Variants in SCMH1 observed in about 807,000 individuals in gnomAD.
SCMH1 encodes Scm polycomb group protein homolog 1.
In SCMH1, 37 loss-of-function variants were observed where a neutral mutation model predicts 70.8. The ratio of observed to expected loss-of-function variants is 0.52; its 90% CI spans 0.40 to 0.69. The LOEUF (loss-of-function observed/expected upper bound fraction) is 0.69. SCMH1 is among the 30% of genes least tolerant of loss of function. The pLI is 0.00. For missense variants in SCMH1, 607 were observed against 827.3 expected, an observed-to-expected ratio of 0.73 and a Z score of 3.27; for synonymous variants, 292 against 307.4, an observed-to-expected ratio of 0.95 and a Z score of 0.52.
At chr1:41,148,400 GAACCTCCTTTA>G (rs941828065) in intron 5 of SCMH1, among the ~76,000 whole-genome samples, 4 of 152,070 alleles carry the variant, frequency 2.6e-5, no homozygotes, top group Non-Finnish European at 4.4e-5. Flanking sequence ...TCTGCTTGAT[GAACCTCCTTTA>G]ACATTTCTTG....
rs552065349 is a variant in SCMH1, at chr1:41,036,768, A to G, written c.1678+594T>C. 5.9e-5 allele frequency among the ~76,000 whole-genome samples: 9 copies of G among 152,254 alleles called. No individual in the cohort carries two copies. The East Asian group carries it at 1.5e-3, about 26-fold the overall frequency. On this transcript the variant is annotated intron_variant, in intron 13 of 14. Transcript: ENST00000337495. ...CAAATTGCATGCAGTTCCTGGTATA[A>G]TCAGTGCTATTTCTTATTCTTTTGC...
At chr1:41,078,307 T>C (rs1658989048) in intron 8 of SCMH1, among the ~76,000 whole-genome samples, 1 of 152,060 alleles carries the variant, frequency 6.6e-6, no homozygotes. Flanking sequence ...AGAAGACAGA[T>C]AGAATGAAGA....
At chr1:41,073,137 T>C (rs1159657424) in intron 9 of SCMH1, among the ~76,000 whole-genome samples, 1 of 152,208 alleles carries the variant, frequency 6.6e-6, no homozygotes, top group Non-Finnish European at 1.5e-5. Context: ...AAAGGCCATT[T>C]AACCCAACCA....
At chr1:41,089,316 A>G (rs1157700301) in intron 8 of SCMH1, among the ~76,000 whole-genome samples, 1 of 152,206 alleles carries the variant, frequency 6.6e-6, no homozygotes, top group African/African-American at 2.4e-5. Flanking sequence ...CAGTCCATAG[A>G]CTTGTTCTTC....
At chr1:41,130,795 A>G (rs1289217027) in intron 6 of SCMH1, among the ~76,000 whole-genome samples, 1 of 152,128 alleles carries the variant, frequency 6.6e-6, no homozygotes, top group Admixed American at 6.5e-5. Context: ...GCCACTCCCC[A>G]TCCCCACTTC....
At position 41,200,515 on chromosome 1, in the gene SCMH1, A is replaced by T. The variant is rs541244822; in HGVS notation, c.-117-14265T>A. On this transcript the variant is annotated intron_variant, in intron 1 of 14. Transcript: ENST00000337495. ...AATAAATGTAATAATAATAATAATAATATAATAATAATAATAATAATAATG... is the reference window on the plus strand; with the variant it reads ...AATAAATGTAATAATAATAATAATATTATAATAATAATAATAATAATAATG... Among the ~76,000 whole-genome samples, 380 of 144,776 alleles carry T rather than the reference A, an allele frequency of 2.6e-3. 2 individuals are homozygous for T. Among genetic ancestry groups the T allele is most frequent in the African/African-American group, 8.4e-3 (334 of 39,762 alleles). The allele number at this position is 144,776 out of a possible 152,430, so 95.0% of individuals were successfully genotyped here.
chr1:41,154,117 C>G (rs1645309650), intron 4 of SCMH1, among the ~76,000 whole-genome samples: 1 of 152,100 alleles, frequency 6.6e-6, no homozygotes, highest in Non-Finnish European at 1.5e-5. Flanking sequence ...ATTTGACCTC[C>G]CAATAGTAGT....
intron 12 of SCMH1, among the ~76,000 whole-genome samples, chr1:41,040,765 G>A (rs1646032055): frequency 6.6e-6 from 1 of 152,206 alleles, no homozygotes; most frequent in African/African-American, 2.4e-5. Flanking sequence ...TCGGGAGGCT[G>A]AGGTAGGAGA....
rs558487587 is a variant in SCMH1, at chr1:41,062,341, C to T, written c.1105+8254G>A. ...GGAAATGGCCAAGCATGGTGGCTCA[C>T]GCCTGTAATCCTAGCACTTTGGGAG... On this transcript the variant is annotated intron_variant, in intron 10 of 14. Coordinates refer to ENST00000337495, the Ensembl canonical transcript of SCMH1. 1.2e-4 allele frequency among the ~76,000 whole-genome samples: 18 copies of T among 152,038 alleles called. No individual in the cohort carries two copies. The South Asian group carries it at 1.9e-3, about 16-fold the overall frequency.
chr1:41,043,001 G>A (rs542809231), intron 12 of SCMH1: 21 of 152,272 alleles, frequency 1.4e-4, no homozygotes, highest in African/African-American at 4.8e-4. Context: ...ATTGAATCCC[G>A]GATTAGGAAA....
At chr1:41,098,980 C>A in intron 8 of SCMH1, 2 of 260,770 alleles carry the variant, frequency 7.7e-6, no homozygotes, top group South Asian at 5.9e-5. Flanking sequence ...ATGTCAAAAT[C>A]AACAAGTACC....
intron 7 of SCMH1, among the ~76,000 whole-genome samples, chr1:41,115,098 G>A (rs1451663968): frequency 6.6e-6 from 1 of 151,864 alleles, no homozygotes; most frequent in East Asian, 1.9e-4. Context: ...TATCATAAGT[G>A]GCATTTAAAA....
At chr1:41,030,714 ATTTAT>A (rs1249531272) in intron 13 of SCMH1, among the ~76,000 whole-genome samples, 1 of 152,088 alleles carries the variant, frequency 6.6e-6, no homozygotes, top group Admixed American at 6.6e-5. Context: ...TCATGGACTC[ATTTAT>A]TTTATGTTTC....
intron 10 of SCMH1, among the ~76,000 whole-genome samples, chr1:41,057,443 G>T (rs1467398043): frequency 6.6e-6 from 1 of 152,040 alleles, no homozygotes; most frequent in East Asian, 1.9e-4. Context: ...TAGAGACAAG[G>T]TTTTGCCATG....
intron 8 of SCMH1, among the ~76,000 whole-genome samples, chr1:41,090,042 T>TAA (rs1465549851): frequency 6.6e-6 from 1 of 152,036 alleles, no homozygotes; most frequent in Non-Finnish European, 1.5e-5. Flanking sequence ...TCCACCTGCC[T>TAA]CACTCTCCCA....
At chr1:41,058,056 A>G (rs1179778629) in intron 10 of SCMH1, among the ~76,000 whole-genome samples, 1 of 148,166 alleles carries the variant, frequency 6.7e-6, no homozygotes, top group Non-Finnish European at 1.5e-5. Flanking sequence ...TGGGAAGCTG[A>G]GGCTGCAGTG....
chr1:41,190,271 A>T (rs1308484466), intron 1 of SCMH1, among the ~76,000 whole-genome samples: 1 of 152,214 alleles, frequency 6.6e-6, no homozygotes, highest in Non-Finnish European at 1.5e-5. Context: ...GAAACATGAG[A>T]GCTGTTTGCA....
chr1:41,037,215 G>T, intron 13 of SCMH1, 147 bp downstream of exon 13: 3 of 760,484 alleles, frequency 3.9e-6, no homozygotes, highest in Non-Finnish European at 4.1e-6. Context: ...CAGGTGCAAG[G>T]CCAGGCACAA....
In SCMH1 at chr1:41,075,465, ACT is replaced by A; in HGVS notation, c.746-16_746-15del. ...TTGGAATCACAACTGCAAGAAAAAG[ACT>A]CATTCTATCACCCTCCCTCCCCCCT... On this transcript the variant is annotated splice_polypyrimidine_tract_variant and intron_variant, in intron 8 of 14. Coordinates refer to ENST00000337495, the Ensembl canonical transcript of SCMH1. 1 of 1,604,694 alleles carries A rather than the reference ACT, an allele frequency of 6.2e-7. No homozygotes were observed. The highest frequency in any genetic ancestry group is 8.5e-7 in the Non-Finnish European group (1 of 1,171,796).
Sources: gnomAD v4.1 joint callset for allele counts (sites outside exome capture counted in the v4.1 genomes callset) on GRCh38, gnomAD v4.1.1 for gene constraint, MANE v1.5 for transcripts, NCBI Gene and HGNC (gene_info 2026-07-23, HGNC 2026-07-21) for gene names.